Variants in FN1 observed in about 807,000 individuals in gnomAD.
FN1 encodes the protein fibronectin 1.
A neutral mutation model predicts 297.3 loss-of-function variants in FN1; 106 were observed. The ratio of observed to expected loss-of-function variants is 0.36; its 90% CI spans 0.30 to 0.42. The LOEUF is 0.42. FN1 is among the 10% of genes least tolerant of loss of function. FN1 has a pLI of 1.00. For missense variants in FN1, 2,690 were observed against 3,124.9 expected, an observed-to-expected ratio of 0.86 and a Z score of 3.32; for synonymous variants, 1,149 against 1,152.6, an observed-to-expected ratio of 1.00 and a Z score of 0.06.
At chr2:215,376,841 G>A (rs2057362963) in intron 35 of FN1, among the ~76,000 whole-genome samples, 167 bp from the exon 36 acceptor site, 1 of 152,154 alleles carries the variant, frequency 6.6e-6, no homozygotes, top group Admixed American at 6.5e-5. Context: ...AAGGTCAACT[G>A]TAATTAGAAA....
At chr2:215,370,766 C>CCAT (rs1356742916) in intron 40 of FN1, among the ~76,000 whole-genome samples, 1 of 152,096 alleles carries the variant, frequency 6.6e-6, no homozygotes, top group Admixed American at 6.5e-5. Flanking sequence ...GAAGCCCTGG[C>CCAT]CATGTTTGCT....
At chr2:215,415,597 C>A (rs2063324723) in intron 12 of FN1, among the ~76,000 whole-genome samples, 1 of 152,096 alleles carries the variant, frequency 6.6e-6, no homozygotes, top group East Asian at 1.9e-4. Flanking sequence ...CCAAATCACA[C>A]CATTGATCCA....
intron 20 of FN1, among the ~76,000 whole-genome samples, chr2:215,402,789 A>C (rs2061315567): frequency 1.3e-5 from 2 of 152,210 alleles, no homozygotes; most frequent in Non-Finnish European, 2.9e-5. Flanking sequence ...TCAGTACTTC[A>C]GTTAAAATCA....
rs1273577686 is a variant in FN1, at chr2:215,373,400, C to G, written c.6169G>C (p.Gly2057Arg). ...ATGACATAAATTGTATATTCGGTTC[C>G]CGGTTCCAGGCCTGAAGGGAGAATA... ...TEATITGLEP[G>R]TEYTIYVIAL... The change falls in exon 39 of 46, where the codon GGA becomes CGA. Residue 2057 changes from glycine to arginine, a missense_variant. Around this residue, in one of 3 missense-constraint regions of FN1, gnomAD observed 1,743 missense variants for 1,945.2 expected, o/e 0.90. Transcript: ENST00000354785. 1 of 1,612,822 alleles carries G rather than the reference C, an allele frequency of 6.2e-7. No homozygotes were observed. Among genetic ancestry groups the G allele is most frequent in the Non-Finnish European group, 8.5e-7 (1 of 1,179,158 alleles).
chr2:215,396,864 A>G (rs1575528599), intron 23 of FN1, among the ~76,000 whole-genome samples: 3 of 152,196 alleles, frequency 2.0e-5, no homozygotes, highest in Non-Finnish European at 1.5e-5. Context: ...CACCTTCCAC[A>G]GTGCTTTTCT....
intron 9 of FN1, among the ~76,000 whole-genome samples, chr2:215,423,064 C>T (rs1314851349): frequency 6.6e-6 from 1 of 152,060 alleles, no homozygotes; most frequent in African/African-American, 2.4e-5. Context: ...ATTCATATTT[C>T]CAGACTTACA....
At chr2:215,386,222 G>A (rs2058963903) in intron 28 of FN1, among the ~76,000 whole-genome samples, 1 of 151,030 alleles carries the variant, frequency 6.6e-6, no homozygotes, top group Non-Finnish European at 1.5e-5. Flanking sequence ...GATTACAGGT[G>A]CATGCCACCA....
At chr2:215,362,111 G>T (rs1328692359) in intron 44 of FN1, 32 bp from the exon 45 acceptor site, 2 of 1,513,336 alleles carry the variant, frequency 1.3e-6, no homozygotes, top group Non-Finnish European at 1.8e-6. Context: ...GTCAAATGGG[G>T]TTTATGATAA....
intron 7 of FN1, 140 bp from the exon 8 acceptor site, chr2:215,424,465 A>T: frequency 1.4e-6 from 1 of 692,214 alleles, no homozygotes; most frequent in Non-Finnish European, 2.5e-6. Context: ...CATCTCGTTA[A>T]TTTCAGTCAA....
intron 24 of FN1, 141 bp from the exon 25 acceptor site, chr2:215,393,344 G>A (rs945869951): frequency 1.3e-6 from 1 of 754,086 alleles, no homozygotes; most frequent in Admixed American, 2.9e-5. Context: ...TATGCAATCT[G>A]TTTTAAATTC....
intron 27 of FN1, among the ~76,000 whole-genome samples, chr2:215,387,695 C>T (rs1236788592): frequency 4.6e-5 from 7 of 152,050 alleles, no homozygotes; most frequent in Non-Finnish European, 7.4e-5. Context: ...TTTTTGGAAG[C>T]AAGTGGACTA....
chr2:215,421,665 G>A lies in FN1; in HGVS notation c.1546+426C>T, dbSNP rs548508309. ...AAGGAGAAAAACTAATCTGAACAAG[G>A]AAAGTTAGTCCCCTATGTATTTGTT... On this transcript the variant is annotated intron_variant, in intron 10 of 45. Coordinates refer to ENST00000354785, the MANE Select transcript of FN1 (RefSeq NM_212482.4). Among the ~76,000 whole-genome samples the A allele has an allele frequency of 6.2e-4, 94 of 152,302 alleles. 1 individual carries two copies. Among genetic ancestry groups the A allele is most frequent in the African/African-American group, 2.1e-3 (86 of 41,578 alleles).
At chr2:215,434,252 C>T (rs1378747485) in intron 2 of FN1, among the ~76,000 whole-genome samples, 1 of 152,114 alleles carries the variant, frequency 6.6e-6, no homozygotes, top group African/African-American at 2.4e-5. Flanking sequence ...TATCATTGGT[C>T]CTAAAGGAAT....
intron 20 of FN1, among the ~76,000 whole-genome samples, chr2:215,401,249 AG>A (rs2061070439): frequency 3.3e-5 from 1 of 30,204 alleles, no homozygotes; most frequent in African/African-American, 1.0e-4. Flanking sequence ...AAAGAAAGAA[AG>A]GAAGAAAGAA....
At chr2:215,422,024 A>T in intron 10 of FN1, 67 bp downstream of exon 10, 7 of 1,488,560 alleles carry the variant, frequency 4.7e-6, no homozygotes, top group Non-Finnish European at 9.4e-7. Context: ...GCAAGTTTTC[A>T]TAAAAAAAAG....
intron 10 of FN1, 106 bp downstream of exon 10, chr2:215,421,985 C>T: frequency 9.4e-7 from 1 of 1,068,712 alleles, no homozygotes; most frequent in Non-Finnish European, 1.4e-6. Context: ...CGTGGCATTC[C>T]ATATTTCTTC....
chr2:215,367,712 C>T, intron 42 of FN1, 151 bp downstream of exon 42: 1 of 796,446 alleles, frequency 1.3e-6, no homozygotes, highest in Admixed American at 2.1e-5. Context: ...TTCTATGATG[C>T]AAAATATTAC....
At position 215,384,864 on chromosome 2, in the gene FN1, C is replaced by T. The variant is rs13652; in HGVS notation, c.4725G>A (p.Glu1575=). The part of the protein sequence containing the change: ...TVRYYRITYG[E]TGGNSPVQEF... ...AATAGCATTTTACTGCTGTACCTGT[C>T]TCTCCGTAAGTGATCCTGTAATATC... Residue 1575 remains glutamate, a synonymous_variant, in exon 29 of 46, where the codon GAG becomes GAA. Coordinates refer to ENST00000354785, the MANE Select transcript of FN1 (RefSeq NM_212482.4). 0.88 allele frequency: 1,396,857 copies of T among 1,595,162 alleles called. 612,925 individuals carry two copies. The highest frequency in any genetic ancestry group is 1 in the East Asian group (44,733 of 44,768).
chr2:215,396,263 T>G (rs1559454772), intron 23 of FN1, among the ~76,000 whole-genome samples: 1 of 152,232 alleles, frequency 6.6e-6, no homozygotes, highest in African/African-American at 2.4e-5. Flanking sequence ...ATTGGAACTT[T>G]TATTTTTGTT....
Sources: allele counts gnomAD v4.1 joint callset (sites outside exome capture counted in the v4.1 genomes callset), GRCh38; gene constraint gnomAD v4.1.1; regional missense constraint gnomAD v4.1.1; transcripts MANE v1.5; gene names NCBI Gene and HGNC (gene_info 2026-07-23, HGNC 2026-07-21).